GATAD1: variants seen among roughly 807,000 people sequenced by gnomAD.
GATAD1 encodes GATA zinc finger domain-containing protein 1.
Under a neutral mutation model 26.5 loss-of-function variants are expected in GATAD1, and 12 were observed. The observed-to-expected ratio is 0.45, with a 90% CI of 0.29 to 0.73. GATAD1 has a LOEUF of 0.73. Among genes scored for constraint, GATAD1 ranks in the 30% least tolerant of loss-of-function variants. The pLI is 0.10. For synonymous variants in GATAD1, 129 were observed against 133.1 expected (o/e 0.97, Z 0.21); for missense variants, 266 against 342.1 (o/e 0.78, Z 1.75).
At chr7:92,471,689 T>C in the GATAD1 span, 1 of 152,186 alleles carries the variant, frequency 6.6e-6, no homozygotes, top group Non-Finnish European at 1.5e-5. Flanking sequence ...CTATTTCCCT[T>C]TCCTTTCCTT....
At chr7:92,469,730 C>CA in the GATAD1 span, 1 of 763,830 alleles carries the variant, frequency 1.3e-6, no homozygotes, top group African/African-American at 1.7e-5. Flanking sequence ...CCTACTAAAA[C>CA]GGAAGTGGTG....
At chr7:92,489,363 GTGAC>G in the GATAD1 span, 36 of 1,609,412 alleles carry the variant, frequency 2.2e-5, no homozygotes, top group African/African-American at 5.3e-5. Context: ...GTCATTAAAT[GTGAC>G]TGACTAATAG....
At position 92,454,563 on chromosome 7, in the gene GATAD1, A is replaced by G. The variant is rs1370078970; in HGVS notation, c.497A>G (p.Tyr166Cys). Residue 166 changes from tyrosine to cysteine, a missense_variant, in exon 4 of 5, where the codon TAC (tyrosine) becomes TGC (cysteine). By Grantham distance (194) the Tyr-to-Cys change is radical. Coordinates refer to ENST00000287957, the MANE Select transcript of GATAD1 (RefSeq NM_021167.5). Reference protein sequence around the residue: ...SVIDEQDGKPYYAQIRGFIQD... With the variant: ...SVIDEQDGKPCYAQIRGFIQD... ...ATTGATGAACAAGATGGAAAGCCCT[A>G]CTATGCTCAAATCAGAGGTTTTATC... is the stretch of plus-strand genomic sequence containing the variant. 6 of 1,612,980 alleles carry G rather than the reference A, an allele frequency of 3.7e-6. No homozygotes were observed. Among genetic ancestry groups the G allele is most frequent in the African/African-American group, 1.3e-5 (1 of 75,040 alleles).
At chr7:92,493,375 C>G in the GATAD1 span, 1 of 236,538 alleles carries the variant, frequency 4.2e-6, no homozygotes, top group African/African-American at 2.3e-5. Context: ...TGGCTCACGC[C>G]TGTAATCCCA....
At chr7:92,478,050 A>G in the GATAD1 span, 1 of 152,066 alleles carries the variant, frequency 6.6e-6, no homozygotes, top group African/African-American at 2.4e-5. Flanking sequence ...GTCTTTGCCT[A>G]ATTAGCATTT....
the GATAD1 span, chr7:92,469,731 G>T: frequency 1.6e-6 from 1 of 628,268 alleles, no homozygotes; most frequent in Non-Finnish European, 2.9e-6. Flanking sequence ...CTACTAAAAC[G>T]GAAGTGGTGT....
At chr7:92,489,216 G>A in the GATAD1 span, 10 of 1,255,804 alleles carry the variant, frequency 8.0e-6, no homozygotes, top group Admixed American at 1.8e-5. Flanking sequence ...TTTTAAACAC[G>A]AACTTTAAAG....
At position 92,447,984 on chromosome 7, in the gene GATAD1, C is replaced by G. The variant is rs1789231696; in HGVS notation, c.249+6C>G. 2 of 1,215,256 alleles carry G rather than the reference C, an allele frequency of 1.6e-6. No individual in the cohort carries two copies. The highest frequency in any genetic ancestry group is 6.7e-5 in the East Asian group (2 of 29,920). The allele number at this position is 1,215,256 out of a possible 1,614,324, so 75.3% of individuals were successfully genotyped here. ...GGGGCGGGGGCGGCAAGCAGGTGAG[C>G]TCCTCCGGCCCCTCCCGCCGGCGGA... is the stretch of plus-strand genomic sequence containing the variant. On this transcript the variant is annotated splice_donor_region_variant and intron_variant, in intron 1 of 4. Coordinates refer to ENST00000287957, the MANE Select transcript of GATAD1 (RefSeq NM_021167.5).
At chr7:92,465,595 A>C in the GATAD1 span, among the ~76,000 whole-genome samples, 2 of 149,976 alleles carry the variant, frequency 1.3e-5, no homozygotes, top group African/African-American at 2.5e-5. Context: ...TCTAGCCTGG[A>C]TGACAAGAGG....
Position 92,447,898 on chromosome 7 carries a change from G to A in GATAD1, c.169G>A (p.Gly57Ser). Residue 57 changes from glycine to serine, a missense_variant, in exon 1 of 5, where the codon GGC becomes AGC. Gly to Ser is a moderately conservative substitution (Grantham distance 56, BLOSUM62 0). Transcript: ENST00000287957. ...GAAGGTGGSG[G>S]GGFGAATFAS... ...GGCTGGAGGGACTGGGGGCAGCGGC[G>A]GCGGCGGCTTCGGCGCGGCGACCTT... is the stretch of plus-strand genomic sequence containing the variant. The A allele has an allele frequency of 2.4e-6, 3 of 1,262,908 alleles. No individual in the cohort carries two copies. The highest frequency in any genetic ancestry group is 2.4e-4 in the Middle Eastern group (1 of 4,114). The allele number at this position is 1,262,908 out of a possible 1,614,324, so 78.2% of individuals were successfully genotyped here. A position where few individuals can be genotyped will look rare whatever the true frequency, so the allele number is the denominator to read the frequency against.
chr7:92,468,477 C>T, the GATAD1 span: 1 of 245,368 alleles, frequency 4.1e-6, no homozygotes, highest in Non-Finnish European at 7.7e-6. Context: ...GGCTCGAAGA[C>T]TTGGGTTTAT....
Position 92,447,505 on chromosome 7 carries a change from G to T in GATAD1, c.-225G>T, listed in dbSNP as rs1035282994. ...CCCTTTCCCAGTCCTGCTTCCCAGTGCCTCGGGCCAGGGAATCCTGGCCTC... is the reference window on the plus strand; with the variant it reads ...CCCTTTCCCAGTCCTGCTTCCCAGTTCCTCGGGCCAGGGAATCCTGGCCTC... On this transcript the variant is annotated 5_prime_UTR_variant, in exon 1 of 5. Transcript: ENST00000287957. 7.9e-6 allele frequency: 3 copies of T among 381,736 alleles called. No homozygotes were observed. The highest frequency in any genetic ancestry group is 4.5e-6 in the Non-Finnish European group (1 of 223,548). 23.6% of individuals were successfully genotyped at this position (381,736 alleles called of 1,614,324 possible).
chr7:92,486,129 C>G, the GATAD1 span, among the ~76,000 whole-genome samples: 2 of 152,204 alleles, frequency 1.3e-5, no homozygotes, highest in Non-Finnish European at 2.9e-5. Flanking sequence ...CTCACCACAG[C>G]TGACATGACA....
At chr7:92,482,558 T>C in the GATAD1 span, among the ~76,000 whole-genome samples, 5 of 151,834 alleles carry the variant, frequency 3.3e-5, no homozygotes, top group South Asian at 1.0e-3. Flanking sequence ...TAAGGGTGAT[T>C]AGGTTTTAAT....
chr7:92,448,045 G>A, intron 1 of GATAD1, 67 bp downstream of exon 1: 1 of 1,152,574 alleles, frequency 8.7e-7, no homozygotes, highest in Non-Finnish European at 1.1e-6. Flanking sequence ...GGACGGGCTG[G>A]CTGGGAGCGG....
downstream of GATAD1, among the ~76,000 whole-genome samples, chr7:92,462,009 G>T (rs1413265297): frequency 2.6e-5 from 4 of 152,124 alleles, no homozygotes; most frequent in African/African-American, 9.7e-5. Context: ...CTATCCAGCT[G>T]GTGGCCAATG....
chr7:92,468,881 G>A, the GATAD1 span: 20 of 764,246 alleles, frequency 2.6e-5, no homozygotes, highest in Non-Finnish European at 4.5e-5. Context: ...CGGTCCAGGG[G>A]TCTGCGGTAG....
chr7:92,481,922 C>T, the GATAD1 span, among the ~76,000 whole-genome samples: 7 of 152,034 alleles, frequency 4.6e-5, no homozygotes, highest in East Asian at 3.9e-4. Flanking sequence ...AGAATTATGC[C>T]GAGGTATGTA....
chr7:92,491,177 A>G, the GATAD1 span: 1 of 830,028 alleles, frequency 1.2e-6, no homozygotes, highest in South Asian at 1.4e-5. Context: ...ACCAGGAAGA[A>G]TATGTGGGGC....
Sources: gnomAD v4.1 joint callset for allele counts (sites outside exome capture counted in the v4.1 genomes callset) on GRCh38, gnomAD v4.1.1 for gene constraint, MANE v1.5 for transcripts, NCBI Gene and HGNC (gene_info 2026-07-23, HGNC 2026-07-21) for gene names.